The following PLCE1 variants were observed in gnomAD, a reference collection of about 807,000 sequenced individuals.
PLCE1 encodes the protein phospholipase C epsilon 1.
Under a neutral mutation model 242.8 loss-of-function variants are expected in PLCE1, and 119 were observed. That is an observed-to-expected ratio of 0.49 (90% CI 0.42 to 0.57). PLCE1 has a LOEUF of 0.57. PLCE1 is among the 20% of genes least tolerant of loss of function. The pLI, the probability that PLCE1 is intolerant of heterozygous loss-of-function variation, is 0.00. For synonymous variants in PLCE1, 945 were observed against 1,017.4 expected (o/e 0.93, Z 1.35); for missense variants, 2,441 against 2,788.8 (o/e 0.88, Z 2.81).
At chr10:94,266,989 C>T (rs1469967419) in intron 16 of PLCE1, among the ~76,000 whole-genome samples, 1 of 152,172 alleles carries the variant, frequency 6.6e-6, no homozygotes, top group African/African-American at 2.4e-5. Context: ...GGAGGGGTGC[C>T]ATACGCTGCC....
At chr10:94,233,273 G>A (rs896744851) in intron 5 of PLCE1, among the ~76,000 whole-genome samples, 4 of 152,210 alleles carry the variant, frequency 2.6e-5, no homozygotes, top group Admixed American at 6.5e-5. Flanking sequence ...GTGGCTTCAT[G>A]TCAAAGCTTG....
intron 2 of PLCE1, among the ~76,000 whole-genome samples, chr10:94,113,916 G>A (rs997822450): frequency 6.6e-6 from 1 of 152,168 alleles, no homozygotes; most frequent in African/African-American, 2.4e-5. Flanking sequence ...GATGGGCATC[G>A]TTGAAGATAA....
At chr10:94,119,375 A>G (rs933193625) in intron 2 of PLCE1, among the ~76,000 whole-genome samples, 2 of 152,128 alleles carry the variant, frequency 1.3e-5, no homozygotes, top group Admixed American at 6.5e-5. Flanking sequence ...GCATGTCCAT[A>G]TAGCTTGCAT....
At chr10:94,154,655 G>A (rs912777660) in intron 3 of PLCE1, among the ~76,000 whole-genome samples, 1 of 151,982 alleles carries the variant, frequency 6.6e-6, no homozygotes, top group Admixed American at 6.6e-5. Flanking sequence ...GACTTGAATC[G>A]ATGTTTCTCT....
chr10:94,177,032 T>C (rs1343757360), intron 4 of PLCE1, among the ~76,000 whole-genome samples: 1 of 152,192 alleles, frequency 6.6e-6, no homozygotes, highest in East Asian at 1.9e-4. Flanking sequence ...GGGAGGCAGC[T>C]TGTTCCAGAT....
chr10:94,019,858 T>C (rs1295968097), intron 1 of PLCE1, among the ~76,000 whole-genome samples: 1 of 152,198 alleles, frequency 6.6e-6, no homozygotes, highest in Non-Finnish European at 1.5e-5. Flanking sequence ...TCATTCCTTT[T>C]ATTGCTGAGT....
chr10:94,202,282 G>A (rs1328279898), intron 4 of PLCE1, among the ~76,000 whole-genome samples: 2 of 151,852 alleles, frequency 1.3e-5, no homozygotes, highest in Admixed American at 1.3e-4. Context: ...ATTTATTCCT[G>A]GCTGCAATTA....
intron 4 of PLCE1, among the ~76,000 whole-genome samples, chr10:94,203,615 T>C (rs533193404): frequency 3.3e-5 from 5 of 152,296 alleles, no homozygotes; most frequent in Admixed American, 2.6e-4. Flanking sequence ...TTCATCCATG[T>C]CCCCATAATT....
rs536348835 is a variant in PLCE1 at position 94,304,630 on chromosome 10, A to G, written c.5607A>G (p.Ala1869=). 6.2e-6 allele frequency: 10 copies of G among 1,614,074 alleles called. No individual in the cohort carries two copies. The East Asian group carries it at 1.8e-4, about 29-fold the overall frequency. The part of the protein sequence containing the change: ...LERDLDSMDP[A]VYSLTIVSGQ... ...GAGATCTGGACAGCATGGATCCTGC[A>G]GTCTATTCTTTAACTGTAAGTACGG... The change falls in exon 25 of 33, where the codon GCA becomes GCG. Residue 1869 remains alanine (A), a synonymous_variant. Transcript: ENST00000371380.
In PLCE1 at chr10:94,249,188, C is replaced by T. The variant is rs115912446; in HGVS notation, c.3096+2567C>T. Among the ~76,000 whole-genome samples the T allele has an allele frequency of 9.2e-3, 1,397 of 152,172 alleles. 16 individuals carry two copies. The highest frequency in any genetic ancestry group is 0.031 in the African/African-American group (1,300 of 41,486). On this transcript the variant is annotated intron_variant, in intron 8 of 32. Transcript: ENST00000371380. ...ATGAGCCATTTATGAAGTCAGGCAA[C>T]GTGCCTTAGAAACAGACACTCAAGA... is the stretch of plus-strand genomic sequence containing the variant.
chr10:94,316,904 T>C, intron 29 of PLCE1, 148 bp downstream of exon 29: 2 of 706,408 alleles, frequency 2.8e-6, no homozygotes, highest in Non-Finnish European at 2.6e-6. Context: ...ACAGTTTTAT[T>C]CTTCTGCACA....
chr10:94,035,905 T>C (rs1167788305), intron 2 of PLCE1, among the ~76,000 whole-genome samples: 1 of 152,194 alleles, frequency 6.6e-6, no homozygotes, highest in Non-Finnish European at 1.5e-5. Flanking sequence ...GTGTCCGTTC[T>C]GGTTCCTCAA....
In PLCE1 at chr10:94,023,558, C is replaced by T. The variant is rs916008319; in HGVS notation, c.-364-7125C>T. 1.2e-4 allele frequency among the ~76,000 whole-genome samples: 19 copies of T among 152,222 alleles called. No homozygotes were observed. The East Asian group carries it at 3.5e-3, about 28-fold the overall frequency. On this transcript the variant is annotated intron_variant, in intron 1 of 32. Coordinates refer to ENST00000371380, the MANE Select transcript of PLCE1 (RefSeq NM_016341.4). ...AGTTACATTCTACTAACATCAATGA[C>T]CCATATTTCTGGGAGAGTTATGATG... is the stretch of plus-strand genomic sequence containing the variant.
chr10:94,107,280 C>G (rs540504155), intron 2 of PLCE1: 1 of 151,918 alleles, frequency 6.6e-6, no homozygotes, highest in African/African-American at 2.4e-5. Context: ...TAAATGATGA[C>G]GGAGATGAGA....
chr10:93,999,176 T>A (rs1185362036), intron 1 of PLCE1, among the ~76,000 whole-genome samples: 1 of 152,150 alleles, frequency 6.6e-6, no homozygotes, highest in East Asian at 1.9e-4. Flanking sequence ...AAGAAAGCTA[T>A]CAAAATAAGA....
At chr10:94,176,555 A>G (rs2048132155) in intron 4 of PLCE1, among the ~76,000 whole-genome samples, 1 of 152,214 alleles carries the variant, frequency 6.6e-6, no homozygotes, top group Non-Finnish European at 1.5e-5. Context: ...TGGATACACA[A>G]AATAAATGCA....
chr10:94,312,543 T>TAC, intron 27 of PLCE1, among the ~76,000 whole-genome samples: 1 of 152,340 alleles, frequency 6.6e-6, no homozygotes, highest in South Asian at 2.1e-4. Context: ...TTGGTTCAGA[T>TAC]ACCATTTTTC....
intron 4 of PLCE1, among the ~76,000 whole-genome samples, chr10:94,202,942 T>C (rs905754090): frequency 3.3e-5 from 5 of 152,234 alleles, no homozygotes; most frequent in Non-Finnish European, 5.9e-5. Context: ...TTTAATTGGT[T>C]ACATAAAATA....
rs996745960 is a variant in PLCE1 at position 94,031,126 on chromosome 10, A to G, written c.80A>G (p.Asp27Gly). 2.5e-6 allele frequency: 4 copies of G among 1,613,768 alleles called. No homozygotes were observed. Among genetic ancestry groups the G allele is most frequent in the Non-Finnish European group, 2.5e-6 (3 of 1,179,838 alleles). The change falls in exon 2 of 33, where the codon GAT becomes GGT. Residue 27 changes from aspartate to glycine, a missense_variant. By Grantham distance (94) the Asp-to-Gly change is moderately conservative. Around this residue, in one of 5 missense-constraint regions of PLCE1, gnomAD observed 393 missense variants for 378.5 expected, o/e 1.04. Transcript: ENST00000371380. Reference sequence around the variant, plus strand: ...GTGGTTTCTGCCCAGTCGGCTGCAGATGAAAGTAGTGAAAAGGTCTCAGAC... The same window carrying G: ...GTGGTTTCTGCCCAGTCGGCTGCAGGTGAAAGTAGTGAAAAGGTCTCAGAC... ...RKVVSAQSAA[D>G]ESSEKVSDIN...
Sources: allele counts gnomAD v4.1 joint callset (sites outside exome capture counted in the v4.1 genomes callset), GRCh38; gene constraint gnomAD v4.1.1; regional missense constraint gnomAD v4.1.1; transcripts MANE v1.5; gene names NCBI Gene and HGNC (gene_info 2026-07-23, HGNC 2026-07-21).